GNAL: variants seen among roughly 807,000 people sequenced by gnomAD.
GNAL encodes guanine nucleotide-binding protein G(olf) subunit alpha.
GNAL carries 18 observed loss-of-function variants against 55.1 expected under a neutral mutation model. The observed-to-expected ratio is 0.33, with a 90% CI of 0.23 to 0.48. GNAL has a LOEUF of 0.48. Among genes scored for constraint, GNAL ranks in the 20% least tolerant of loss-of-function variants. The pLI is 0.99. For synonymous variants in GNAL, 253 were observed against 237.0 expected, an observed-to-expected ratio of 1.07 and a Z score of -0.62; for missense variants, 412 against 614.1, an observed-to-expected ratio of 0.67 and a Z score of 3.48.
At chr18:11,846,448 A>AAT (rs1005427124) in intron 5 of GNAL, among the ~76,000 whole-genome samples, 5 of 118,086 alleles carry the variant, frequency 4.2e-5, no homozygotes, top group Middle Eastern at 4.1e-3. Context: ...TATAAATATA[A>AAT]ATATATATAT....
chr18:11,700,751 A>G (rs1047217924), intron 1 of GNAL, among the ~76,000 whole-genome samples: 2 of 152,250 alleles, frequency 1.3e-5, no homozygotes, highest in African/African-American at 4.8e-5. Flanking sequence ...TGTAGGTTGC[A>G]TCACTGTGCT....
At chr18:11,756,828 A>G (rs1179886720) in intron 4 of GNAL, among the ~76,000 whole-genome samples, 1 of 152,220 alleles carries the variant, frequency 6.6e-6, no homozygotes, top group Non-Finnish European at 1.5e-5. Context: ...TTATAAACAT[A>G]CAAGTAGAGC....
At chr18:11,777,528 T>A (rs2033817546) in intron 4 of GNAL, among the ~76,000 whole-genome samples, 1 of 152,214 alleles carries the variant, frequency 6.6e-6, no homozygotes, top group Non-Finnish European at 1.5e-5. Context: ...TTCTAAGCAA[T>A]ATCTTCATTT....
At chr18:11,788,294 C>G (rs947973863) in intron 4 of GNAL, among the ~76,000 whole-genome samples, 2 of 152,126 alleles carry the variant, frequency 1.3e-5, no homozygotes, top group Admixed American at 6.5e-5. Flanking sequence ...TCTAAGGCAC[C>G]AGGAGGTGTG....
chr18:11,863,282 A>T (rs1277257207), intron 6 of GNAL, among the ~76,000 whole-genome samples: 1 of 152,082 alleles, frequency 6.6e-6, no homozygotes, highest in African/African-American at 2.4e-5. Flanking sequence ...AATTCAGGAG[A>T]CTTCAGGTGC....
In GNAL at chr18:11,884,752, T is replaced by G. The variant is rs1372133559; in HGVS notation, c.*3617T>G. The G allele has an allele frequency of 1.6e-5, 21 of 1,279,978 alleles. No homozygotes were observed. Among genetic ancestry groups the G allele is most frequent in the East Asian group, 5.1e-5 (2 of 39,280 alleles). The allele number at this position is 1,279,978 out of a possible 1,614,324, so 79.3% of individuals were successfully genotyped here. A position where few individuals can be genotyped will look rare whatever the true frequency, so the allele number is the denominator to read the frequency against. ...CTCAGGTGAGGCAGGGAACGGGCCC[T>G]CCTCACCTGAGACCAAGGGGGCCCA... is the stretch of plus-strand genomic sequence containing the variant. On this transcript the variant is annotated 3_prime_UTR_variant, in exon 12 of 12. Coordinates refer to ENST00000334049, the MANE Select transcript of GNAL (RefSeq NM_182978.4).
chr18:11,799,419 A>C (rs2034466220), intron 4 of GNAL, among the ~76,000 whole-genome samples: 2 of 152,186 alleles, frequency 1.3e-5, no homozygotes, highest in Non-Finnish European at 2.9e-5. Context: ...AAATTATTCA[A>C]ATATTTTACT....
At chr18:11,696,212 A>G (rs547214546) in intron 1 of GNAL, among the ~76,000 whole-genome samples, 1 of 152,216 alleles carries the variant, frequency 6.6e-6, no homozygotes, top group Admixed American at 6.5e-5. Context: ...CAAAAGCATA[A>G]CACATCCTGG....
chr18:11,856,146 C>G (rs1012402520), intron 5 of GNAL, among the ~76,000 whole-genome samples: 1 of 151,418 alleles, frequency 6.6e-6, no homozygotes, highest in Non-Finnish European at 1.5e-5. Flanking sequence ...AGCTCAAGAT[C>G]TTTATAGCAA....
In GNAL at chr18:11,752,737, CCCGCGTGTAGGAAAT is replaced by C; in HGVS notation, c.377-113_377-99del. 8.6e-7 allele frequency: 1 copy of C among 1,160,036 alleles called. No individual in the cohort carries two copies. The highest frequency in any genetic ancestry group is 1.3e-6 in the Non-Finnish European group (1 of 798,158). 71.9% of individuals were successfully genotyped at this position (1,160,036 alleles called of 1,614,324 possible). ...CGGGGCGAGCTCCTCCAGCCAGGAA[CCCGCGTGTAGGAAAT>C]CCCCGTGCTGGGGGAGGAGGATTGC... is the stretch of plus-strand genomic sequence containing the variant. On this transcript the variant is annotated intron_variant, in intron 1 of 11. Coordinates refer to ENST00000334049, the MANE Select transcript of GNAL (RefSeq NM_182978.4). This position sits in a 1 kb window ranked among gnomAD's most constrained non-coding sequence, Gnocchi z 4.5.
chr18:11,860,191 C>A (rs2036100690), intron 5 of GNAL, among the ~76,000 whole-genome samples: 1 of 152,182 alleles, frequency 6.6e-6, no homozygotes. Context: ...CTATGAAAGG[C>A]CATCCCAAAC....
At chr18:11,754,017 A>AATCAATAATGAATTAGT in intron 4 of GNAL, 72 bp downstream of exon 4, 4 of 1,111,166 alleles carry the variant, frequency 3.6e-6, no homozygotes, top group South Asian at 1.3e-5. Flanking sequence ...TCTTATTGAG[A>AATCAATAATGAATTAGT]ATCAATATTG....
chr18:11,790,989 TAC>T (rs2034220641), intron 4 of GNAL, among the ~76,000 whole-genome samples: 1 of 64,184 alleles, frequency 1.6e-5, no homozygotes, highest in African/African-American at 3.4e-5. Context: ...ACTATTCCAA[TAC>T]TTAATTTAAG....
Position 11,752,792 on chromosome 18 carries a change from T to C in GNAL, c.377-61T>C. 8.1e-7 allele frequency: 1 copy of C among 1,238,818 alleles called. No individual in the cohort carries two copies. The highest frequency in any genetic ancestry group is 1.2e-6 in the Non-Finnish European group (1 of 838,366). The allele number at this position is 1,238,818 out of a possible 1,614,324, so 76.7% of individuals were successfully genotyped here. ...AGGAGGATTGCTCAGACCCGGCTAG[T>C]GGTGAGAGATGGCAGCGATATCCGG... On this transcript the variant is annotated intron_variant, in intron 1 of 11. Coordinates refer to ENST00000334049, the MANE Select transcript of GNAL (RefSeq NM_182978.4). This position sits in a 1 kb window ranked among gnomAD's most constrained non-coding sequence, Gnocchi z 4.5.
At chr18:11,827,974 GA>G (rs561574635) in intron 5 of GNAL, among the ~76,000 whole-genome samples, 11,351 of 118,578 alleles carry the variant, frequency 0.096, 671 homozygotes, top group African/African-American at 0.18. Flanking sequence ...CCGTCTCAAG[GA>G]AAAAAAAAAA....
chr18:11,835,411 G>A (rs1236264338), intron 5 of GNAL, among the ~76,000 whole-genome samples: 1 of 151,276 alleles, frequency 6.6e-6, no homozygotes, highest in Non-Finnish European at 1.5e-5. Flanking sequence ...AGGTTCACTC[G>A]AGCCTAGGAG....
Position 11,689,790 on chromosome 18 carries a change from A to C in GNAL, c.227A>C (p.Gln76Pro), listed in dbSNP as rs1289506348. Residue 76 changes from glutamine (Q) to proline (P), a missense_variant, in exon 1 of 12, where the codon CAG (glutamine) becomes CCG (proline). This residue lies in a region of GNAL where 228 missense variants were observed against 194.8 expected (regional missense o/e 1.17). Coordinates refer to ENST00000334049, the MANE Select transcript of GNAL (RefSeq NM_182978.4). ...PKADKPKEKR[Q>P]RTEQLSAEER... is the part of the protein sequence containing the mutation. ...GCAGACAAGCCGAAGGAGAAGCGGC[A>C]GCGCACCGAGCAGCTGAGTGCCGAG... is the stretch of plus-strand genomic sequence containing the variant. 6.5e-7 allele frequency: 1 copy of C among 1,534,410 alleles called. No individual in the cohort carries two copies. Among genetic ancestry groups the C allele is most frequent in the African/African-American group, 1.4e-5 (1 of 70,448 alleles).
At chr18:11,776,524 T>C (rs1456242413) in intron 4 of GNAL, among the ~76,000 whole-genome samples, 3 of 151,916 alleles carry the variant, frequency 2.0e-5, no homozygotes, top group East Asian at 1.9e-4. Context: ...CCAGGCAACA[T>C]AGCAAGACCC....
intron 1 of GNAL, among the ~76,000 whole-genome samples, chr18:11,733,985 T>G (rs1362547552): frequency 6.6e-6 from 1 of 151,918 alleles, no homozygotes; most frequent in African/African-American, 2.4e-5. Context: ...ATTTCTCTCC[T>G]GGAGGAGGCC....
Sources: allele counts gnomAD v4.1 joint callset (sites outside exome capture counted in the v4.1 genomes callset), GRCh38; gene constraint gnomAD v4.1.1; regional missense constraint gnomAD v4.1.1; non-coding constraint Gnocchi (gnomAD v3.1); transcripts MANE v1.5; gene names NCBI Gene and HGNC (gene_info 2026-07-23, HGNC 2026-07-21).